Variants in DYRK4 observed in about 807,000 individuals in gnomAD.
The protein encoded by DYRK4 is dual specificity tyrosine-phosphorylation-regulated kinase 4.
A neutral mutation model predicts 68.3 loss-of-function variants in DYRK4; 64 were observed. The observed-to-expected ratio is 0.94, with a 90% CI of 0.77 to 1.15. DYRK4 has a LOEUF of 1.15. Among genes scored for constraint, DYRK4 ranks in the 50% most tolerant of loss-of-function variants. The pLI is 0.00. For synonymous variants in DYRK4, 274 were observed against 289.9 expected (o/e 0.95, Z 0.56); for missense variants, 740 against 764.7 (o/e 0.97, Z 0.38).
intron 6 of DYRK4, among the ~76,000 whole-genome samples, chr12:4,594,975 A>C (rs1439156911): frequency 6.6e-6 from 1 of 152,272 alleles, no homozygotes; most frequent in Non-Finnish European, 1.5e-5. Context: ...AAATGAATAC[A>C]AAATGGTTTT....
chr12:4,587,424 G>T (rs751606179), intron 2 of DYRK4, among the ~76,000 whole-genome samples: 24 of 152,270 alleles, frequency 1.6e-4, no homozygotes, highest in Non-Finnish European at 2.5e-4. Context: ...CATGCCCTTT[G>T]TTTCGTATTT....
At chr12:4,611,821 G>A (rs1215113327) in intron 13 of DYRK4, among the ~76,000 whole-genome samples, 3 of 152,088 alleles carry the variant, frequency 2.0e-5, no homozygotes, top group African/African-American at 4.8e-5. Context: ...TAGTAGCGAT[G>A]TAAATATTTT....
rs1288004922 is a variant in DYRK4, at chr12:4,590,383, G to A, written c.267G>A (p.Thr89=). 1.2e-5 allele frequency: 18 copies of A among 1,535,726 alleles called. No individual in the cohort carries two copies. In the South Asian group the frequency reaches 1.5e-4, roughly 13 times the overall value. The part of the protein sequence containing the change: ...PFVDTKGKKN[T]VSFPHISKKV... Reference sequence around the variant, plus strand: ...TGGACACCAAGGGGAAGAAGAATACGGTAAGCTTCCCACACATTAGCAAGA... The same window carrying A: ...TGGACACCAAGGGGAAGAAGAATACAGTAAGCTTCCCACACATTAGCAAGA... Residue 89 remains threonine (T), a synonymous_variant, in exon 4 of 15, where the codon ACG becomes ACA. Transcript: ENST00000543431.
intron 13 of DYRK4, among the ~76,000 whole-genome samples, chr12:4,612,075 A>G (rs1028166122): frequency 2.0e-5 from 3 of 152,222 alleles, no homozygotes; most frequent in East Asian, 1.9e-4. Flanking sequence ...AGTTCAGTCA[A>G]TGTATTCTGC....
intron 2 of DYRK4, among the ~76,000 whole-genome samples, chr12:4,588,108 G>A (rs1944915707): frequency 6.6e-6 from 1 of 152,176 alleles, no homozygotes. Flanking sequence ...TGCTCAGGCT[G>A]GAGTGCAGTG....
In DYRK4 at chr12:4,603,955, T is replaced by C. The variant is rs963603732; in HGVS notation, c.1127-959T>C. Among the ~76,000 whole-genome samples, 4 of 152,236 alleles carry C rather than the reference T, an allele frequency of 2.6e-5. 1 individual carries two copies. The East Asian group carries it at 7.7e-4, about 29-fold the overall frequency. On this transcript the variant is annotated intron_variant, in intron 10 of 14. Transcript: ENST00000543431. ...ACTGTGAGGCAGTATCTAATATTGA[T>C]GCTAGAATTAAACTGCCTACTCTCA...
At chr12:4,602,249 C>G (rs1945089547) in intron 10 of DYRK4, 1 of 1,067,748 alleles carries the variant, frequency 9.4e-7, no homozygotes, top group South Asian at 1.2e-5. Flanking sequence ...ATTTCTAAGA[C>G]CTGCTCTCTT....
At position 4,596,573 on chromosome 12, in the gene DYRK4, C is replaced by T. The variant is rs963825055; in HGVS notation, c.765-16C>T. ...TCCCCATTTCCCACCCTGCCGGCCA[C>T]TCCCAATCACCTTAGGTTTCACCAG... On this transcript the variant is annotated splice_polypyrimidine_tract_variant and intron_variant, in intron 7 of 14. Coordinates refer to ENST00000543431, the MANE Select transcript of DYRK4 (RefSeq NM_001394779.1). 1.9e-6 allele frequency: 3 copies of T among 1,610,234 alleles called. No homozygotes were observed. The highest frequency in any genetic ancestry group is 2.5e-6 in the Non-Finnish European group (3 of 1,179,102).
intron 2 of DYRK4, among the ~76,000 whole-genome samples, chr12:4,584,985 G>C (rs1427857372): frequency 6.6e-6 from 1 of 152,130 alleles, no homozygotes; most frequent in Non-Finnish European, 1.5e-5. Flanking sequence ...TGCTTAGCTA[G>C]CTCAAAACAC....
chr12:4,593,283 T>C (rs758217868), intron 6 of DYRK4, 118 bp downstream of exon 6: 649 of 1,170,496 alleles, frequency 5.5e-4, no homozygotes, highest in Non-Finnish European at 7.2e-4. Context: ...AGACTAGATA[T>C]CCTGAAGTAT....
chr12:4,612,999 G>GC, intron 14 of DYRK4: 2 of 373,028 alleles, frequency 5.4e-6, no homozygotes, highest in Non-Finnish European at 9.8e-6. Context: ...TTTGGCATTA[G>GC]CCTGGATCTT....
Position 4,613,642 on chromosome 12 carries a change from C to T in DYRK4, c.1794C>T (p.Asp598=), listed in dbSNP as rs200340026. The part of the protein sequence containing the change: ...ADTVQLPQLV[D]APKKSEAAVG... ...CTGTTCAGCTGCCTCAACTGGTAGA[C>T]GCTCCCAAGAAGTCAGAGGCAGCTG... is the stretch of plus-strand genomic sequence containing the variant. The change falls in exon 15 of 15, where the codon GAC becomes GAT. Residue 598 remains aspartate (D), a synonymous_variant. Coordinates refer to ENST00000543431, the MANE Select transcript of DYRK4 (RefSeq NM_001394779.1). The surrounding 1 kb of genome is among the most constrained non-coding windows in gnomAD (Gnocchi z 4.0). 326 of 1,613,904 alleles carry T rather than the reference C, an allele frequency of 2.0e-4. 2 individuals are homozygous for T. The highest frequency in any genetic ancestry group is 1.3e-3 in the South Asian group (117 of 91,082).
intron 2 of DYRK4, among the ~76,000 whole-genome samples, chr12:4,579,322 A>G (rs1944818412): frequency 1.3e-5 from 2 of 152,298 alleles, no homozygotes; most frequent in Admixed American, 6.5e-5. Context: ...AAATAAAAAT[A>G]AAAAATAAAA....
Position 4,610,232 on chromosome 12 carries a change from G to A in DYRK4, c.1438G>A (p.Val480Met), listed in dbSNP as rs144235733. The change falls in exon 13 of 15, where the codon GTG becomes ATG. Residue 480 changes from valine to methionine, a missense_variant. Transcript: ENST00000543431. ...RYPDSKDLTM[V>M]LKTYDTSFLD... ...CCCAGATTCCAAGGACCTCACGATG[G>A]TGCTGAAAACCTATGACACCAGCTT... 102 of 1,597,734 alleles carry A rather than the reference G, an allele frequency of 6.4e-5. No homozygotes were observed. In the African/African-American group the frequency reaches 1.3e-3, roughly 20 times the overall value.
rs566548487 is a variant in DYRK4, at chr12:4,581,551, G to A, written c.133-7386G>A. ...GCTTTCCTTCCAAAAGAAGGGCCGG[G>A]GAGCATGGGAGCACTTTCCTGGTGG... On this transcript the variant is annotated intron_variant, in intron 2 of 14. Transcript: ENST00000543431. Among the ~76,000 whole-genome samples, 14 of 152,322 alleles carry A rather than the reference G, an allele frequency of 9.2e-5. No homozygotes were observed. In the East Asian group the frequency reaches 2.7e-3, roughly 29 times the overall value.
chr12:4,571,489 G>A (rs955557431), intron 2 of DYRK4, among the ~76,000 whole-genome samples: 6 of 152,168 alleles, frequency 3.9e-5, no homozygotes, highest in African/African-American at 1.2e-4. Context: ...GGGGTGTGCT[G>A]TGAGTGTCAG....
At chr12:4,571,306 T>C (rs1037033871) in intron 2 of DYRK4, among the ~76,000 whole-genome samples, 1 of 152,260 alleles carries the variant, frequency 6.6e-6, no homozygotes, top group South Asian at 2.1e-4. Context: ...ACTTTTTCTC[T>C]GTTAATTTCT....
At chr12:4,590,169 A>G in intron 3 of DYRK4, 161 bp from the exon 4 acceptor site, 2 of 1,389,304 alleles carry the variant, frequency 1.4e-6, no homozygotes, top group Non-Finnish European at 1.9e-6. Flanking sequence ...CTGCTCTGGA[A>G]TCTGCATTTC....
In DYRK4 at chr12:4,591,039, C is replaced by A; in HGVS notation, c.325-121C>A. On this transcript the variant is annotated intron_variant, in intron 4 of 14. Coordinates refer to ENST00000543431, the MANE Select transcript of DYRK4 (RefSeq NM_001394779.1). The surrounding 1 kb of genome is among the most constrained non-coding windows in gnomAD (Gnocchi z 4.1). ...CCTTCTGTCTCTTAATCGCTGTTTT[C>A]TCCCTGGAGAGGTAGGTAAAGAGCC... The A allele has an allele frequency of 8.3e-7, 1 of 1,198,208 alleles. No individual in the cohort carries two copies. Among genetic ancestry groups the A allele is most frequent in the Non-Finnish European group, 1.2e-6 (1 of 860,972 alleles). 74.2% of individuals were successfully genotyped at this position (1,198,208 alleles called of 1,614,324 possible). A position where few individuals can be genotyped will look rare whatever the true frequency, so the allele number is the denominator to read the frequency against.
Sources: allele counts gnomAD v4.1 joint callset (sites outside exome capture counted in the v4.1 genomes callset), GRCh38; gene constraint gnomAD v4.1.1; non-coding constraint Gnocchi (gnomAD v3.1); transcripts MANE v1.5; gene names NCBI Gene and HGNC (gene_info 2026-07-23, HGNC 2026-07-21).